Variants in ASTN2 observed in about 807,000 individuals in gnomAD.
The protein encoded by ASTN2 is astrotactin 2, also known as astrotactin-2.
Under a neutral mutation model 139.8 loss-of-function variants are expected in ASTN2, and 54 were observed. The observed-to-expected ratio is 0.39, with a 90% CI of 0.31 to 0.48. The LOEUF (loss-of-function observed/expected upper bound fraction) is 0.48, where lower values mean the gene tolerates loss of function less well. Ranked by LOEUF, ASTN2 falls within the 20% of genes least tolerant of loss-of-function variation. The pLI is 0.95. For synonymous variants in ASTN2, 756 were observed against 719.5 expected (o/e 1.05, Z -0.81); for missense variants, 1,565 against 1,725.1 (o/e 0.91, Z 1.64).
chr9:116,951,676 G>T (rs927463289), intron 10 of ASTN2, among the ~76,000 whole-genome samples: 1 of 152,142 alleles, frequency 6.6e-6, no homozygotes, highest in African/African-American at 2.4e-5. Context: ...GCTATGGGAG[G>T]CACCATGGTT....
At chr9:116,968,890 C>T (rs1390334443) in intron 10 of ASTN2, among the ~76,000 whole-genome samples, 1 of 132,090 alleles carries the variant, frequency 7.6e-6, no homozygotes. Context: ...CAGAGTGAGA[C>T]TCTGTCTCAA....
intron 2 of ASTN2, among the ~76,000 whole-genome samples, chr9:117,277,767 G>A (rs1316190336): frequency 6.6e-6 from 1 of 152,146 alleles, no homozygotes; most frequent in Non-Finnish European, 1.5e-5. Context: ...ATGGATTTTA[G>A]TCTCCTCCTA....
chr9:116,457,769 G>A (rs1340324423), intron 20 of ASTN2, among the ~76,000 whole-genome samples: 4 of 151,900 alleles, frequency 2.6e-5, no homozygotes, highest in South Asian at 2.1e-4. Context: ...AAATTAATAC[G>A]ACCACTATGG....
chr9:116,982,557 T>TC (rs1043869580), intron 7 of ASTN2, among the ~76,000 whole-genome samples: 20 of 151,800 alleles, frequency 1.3e-4, no homozygotes, highest in African/African-American at 4.8e-4. Context: ...GGGATTTTTT[T>TC]TTTAAATTAT....
At chr9:117,078,801 C>G (rs1349502381) in intron 5 of ASTN2, among the ~76,000 whole-genome samples, 1 of 152,214 alleles carries the variant, frequency 6.6e-6, no homozygotes, top group East Asian at 1.9e-4. Flanking sequence ...AGTGGCACGA[C>G]TTTGGCTCAC....
chr9:116,487,263 A>C (rs996298631), intron 20 of ASTN2, 96 bp downstream of exon 20: 1 of 1,460,316 alleles, frequency 6.8e-7, no homozygotes, highest in Non-Finnish European at 9.2e-7. Flanking sequence ...CTAATAAAAC[A>C]TTTGGCTGGC....
At chr9:117,047,900 T>G (rs1203642428) in intron 5 of ASTN2, among the ~76,000 whole-genome samples, 3 of 152,134 alleles carry the variant, frequency 2.0e-5, no homozygotes, top group African/African-American at 7.2e-5. Context: ...ACATAGCCAC[T>G]AACTTAGGTG....
chr9:116,755,113 G>T (rs1829499603), intron 13 of ASTN2, among the ~76,000 whole-genome samples: 1 of 152,102 alleles, frequency 6.6e-6, no homozygotes. Context: ...CCAGATCTGG[G>T]TGCCCCAGCT....
intron 3 of ASTN2, among the ~76,000 whole-genome samples, chr9:117,142,581 T>A (rs1193993864): frequency 6.6e-6 from 1 of 152,188 alleles, no homozygotes; most frequent in Non-Finnish European, 1.5e-5. Context: ...TACCTTCCAA[T>A]GAATTGTTAG....
intron 17 of ASTN2, among the ~76,000 whole-genome samples, chr9:116,624,454 T>C (rs539315729): frequency 9.8e-5 from 15 of 152,322 alleles, no homozygotes; most frequent in Middle Eastern, 3.4e-3. Flanking sequence ...ACAATTACTA[T>C]AGTTCAAATG....
chr9:116,807,582 G>A (rs1217692313), intron 12 of ASTN2, among the ~76,000 whole-genome samples: 2 of 152,104 alleles, frequency 1.3e-5, no homozygotes, highest in Non-Finnish European at 2.9e-5. Flanking sequence ...ATATTACTAA[G>A]TCCCTTTTAA....
chr9:117,101,611 T>A (rs1449371837), intron 4 of ASTN2, among the ~76,000 whole-genome samples: 1 of 152,126 alleles, frequency 6.6e-6, no homozygotes, highest in Non-Finnish European at 1.5e-5. Flanking sequence ...ACATGCAATA[T>A]CCCTCCTACA....
chr9:117,267,025 C>T (rs1274288593), intron 2 of ASTN2, among the ~76,000 whole-genome samples: 1 of 152,178 alleles, frequency 6.6e-6, no homozygotes, highest in Non-Finnish European at 1.5e-5. Flanking sequence ...TGGCAGCCAC[C>T]ACCTTGTACA....
At chr9:116,471,080 C>T (rs937264630) in intron 20 of ASTN2, among the ~76,000 whole-genome samples, 2 of 152,102 alleles carry the variant, frequency 1.3e-5, no homozygotes, top group Admixed American at 1.3e-4. Context: ...TAGAAGCCAG[C>T]AAAATTGCTG....
At chr9:116,450,688 C>G (rs1011367725) in intron 20 of ASTN2, among the ~76,000 whole-genome samples, 4 of 152,148 alleles carry the variant, frequency 2.6e-5, no homozygotes, top group African/African-American at 9.7e-5. Context: ...TTCTGTTCCC[C>G]TTTGGTCTAG....
intron 3 of ASTN2, among the ~76,000 whole-genome samples, chr9:117,162,789 T>C (rs1830582506): frequency 6.6e-6 from 1 of 152,102 alleles, no homozygotes; most frequent in Admixed American, 6.6e-5. Context: ...TCATCCTAAA[T>C]TCCGTGGAAT....
At chr9:116,462,788 ATGTGTGTGTGTGTGTGTGTGTG>A (rs55926547) in intron 20 of ASTN2, among the ~76,000 whole-genome samples, 3 of 146,092 alleles carry the variant, frequency 2.1e-5, no homozygotes, top group Non-Finnish European at 4.5e-5. Flanking sequence ...TTGGGTGAGC[ATGTGTGTGTGTGTGTGTGTGTG>A]TGTGTGTGTG....
At chr9:117,018,887 A>C (rs1379140211) in intron 6 of ASTN2, among the ~76,000 whole-genome samples, 1 of 152,116 alleles carries the variant, frequency 6.6e-6, no homozygotes, top group East Asian at 1.9e-4. Flanking sequence ...TGTACAGACA[A>C]GGAAATTGGA....
At chr9:116,579,319 T>A (rs979851964) in intron 19 of ASTN2, among the ~76,000 whole-genome samples, 3 of 152,208 alleles carry the variant, frequency 2.0e-5, no homozygotes, top group African/African-American at 7.2e-5. Flanking sequence ...CTGTCTGTCA[T>A]AAAGTGTTTT....
Sources: gnomAD v4.1 joint callset for allele counts (sites outside exome capture counted in the v4.1 genomes callset) on GRCh38, gnomAD v4.1.1 for gene constraint, MANE v1.5 for transcripts, NCBI Gene and HGNC (gene_info 2026-07-23, HGNC 2026-07-21) for gene names.